CTCFL: variants seen among roughly 807,000 people sequenced by gnomAD.
CTCFL encodes transcriptional repressor CTCFL.
A neutral mutation model predicts 67.4 loss-of-function variants in CTCFL; 36 were observed. The ratio of observed to expected loss-of-function variants is 0.53; its 90% CI spans 0.41 to 0.71. CTCFL has a LOEUF of 0.71. CTCFL is among the 30% of genes least tolerant of loss of function. CTCFL has a pLI of 0.00. For missense variants in CTCFL, 786 were observed against 835.2 expected, an observed-to-expected ratio of 0.94 and a Z score of 0.73; for synonymous variants, 324 against 302.3, an observed-to-expected ratio of 1.07 and a Z score of -0.75.
chr20:57,510,601 C>T (rs1007883034), intron 8 of CTCFL, among the ~76,000 whole-genome samples: 11 of 152,228 alleles, frequency 7.2e-5, no homozygotes, highest in African/African-American at 1.7e-4. Flanking sequence ...CGGTGGCTCA[C>T]GCCTATAATC....
rs367813915 is a variant in CTCFL at position 57,515,866 on chromosome 20, T to C, written c.1060-32A>G. On this transcript the variant is annotated intron_variant, in intron 5 of 10. Transcript: ENST00000243914. ...AATACATAAATGATGTTCGTTGCAA[T>C]AGAAACTAAAAAATGGCAGAGTCTT... is the stretch of plus-strand genomic sequence containing the variant. The C allele has an allele frequency of 8.1e-5, 128 of 1,583,956 alleles. No individual in the cohort carries two copies. In the African/African-American group the frequency reaches 1.3e-3, roughly 15 times the overall value.
At position 57,503,695 on chromosome 20, in the gene CTCFL, G is replaced by C. The variant is rs546494394; in HGVS notation, c.1675-94C>G. The C allele has an allele frequency of 3.1e-5, 42 of 1,356,008 alleles. No individual in the cohort carries two copies. In the African/African-American group the frequency reaches 5.6e-4, roughly 18 times the overall value. The allele number at this position is 1,356,008 out of a possible 1,614,324, so 84.0% of individuals were successfully genotyped here. ...TGGGGACCCCACGCATGGAAAGAAA[G>C]AAAAATCCTGAGTTCTTTCGAGGGC... On this transcript the variant is annotated intron_variant, in intron 9 of 10. Transcript: ENST00000243914.
At chr20:57,519,837 A>G (rs1053366155) in intron 3 of CTCFL, among the ~76,000 whole-genome samples, 4 of 152,204 alleles carry the variant, frequency 2.6e-5, no homozygotes, top group African/African-American at 9.7e-5. Context: ...AAGAAAAACC[A>G]TCTAGAATGG....
intron 9 of CTCFL, among the ~76,000 whole-genome samples, chr20:57,506,112 G>T (rs1011292287): frequency 6.6e-6 from 1 of 152,190 alleles, no homozygotes; most frequent in Non-Finnish European, 1.5e-5. Flanking sequence ...GTTTGTGAAA[G>T]CAAGTTTTAC....
At chr20:57,511,779 A>G (rs6015016) in intron 8 of CTCFL, among the ~76,000 whole-genome samples, 104,939 of 151,884 alleles carry the variant, frequency 0.69, 37,415 homozygotes, top group African/African-American at 0.87. Flanking sequence ...TTTTAATAGA[A>G]ACGGGGTTTC....
chr20:57,523,354 A>T, intron 2 of CTCFL, 76 bp from the exon 3 acceptor site: 1 of 1,379,940 alleles, frequency 7.2e-7, no homozygotes, highest in South Asian at 1.3e-5. Context: ...TGAAGCACAG[A>T]ATACAAAAAG....
intron 5 of CTCFL, 95 bp downstream of exon 5, chr20:57,518,659 CTGTT>C (rs1294398358): frequency 6.3e-7 from 1 of 1,598,614 alleles, no homozygotes; most frequent in Non-Finnish European, 8.6e-7. Context: ...AATAAAAAGC[CTGTT>C]TGTAACAGAT....
Position 57,512,767 on chromosome 20 carries a change from G to A in CTCFL, c.1331-15C>T, listed in dbSNP as rs750764374. 4.3e-6 allele frequency: 7 copies of A among 1,613,030 alleles called. No homozygotes were observed. The East Asian group carries it at 8.9e-5, about 21-fold the overall frequency. ...CATATGCACACCTAAAATGGTCACA[G>A]AACATTATATACTTCAAGAGTGTTG... On this transcript the variant is annotated splice_polypyrimidine_tract_variant and intron_variant, in intron 7 of 10. Coordinates refer to ENST00000243914, the MANE Select transcript of CTCFL (RefSeq NM_001386993.1).
chr20:57,519,099 A>C (rs1298749055), intron 4 of CTCFL, 108 bp downstream of exon 4: 1 of 1,304,392 alleles, frequency 7.7e-7, no homozygotes, highest in African/African-American at 1.5e-5. Flanking sequence ...GACAAAACTA[A>C]AGTATAAAAT....
At chr20:57,505,870 T>TA (rs1469020950) in intron 9 of CTCFL, among the ~76,000 whole-genome samples, 1 of 152,158 alleles carries the variant, frequency 6.6e-6, no homozygotes, top group Non-Finnish European at 1.5e-5. Context: ...TAGGCAAAAG[T>TA]AAAAAAACTG....
intron 3 of CTCFL, among the ~76,000 whole-genome samples, chr20:57,519,927 A>T (rs767346523): frequency 7.2e-5 from 11 of 152,222 alleles, no homozygotes; most frequent in Non-Finnish European, 1.3e-4. Flanking sequence ...ATATAATTGA[A>T]CATTTAGTTC....
At position 57,507,336 on chromosome 20, in the gene CTCFL, C is replaced by T. The variant is rs141687990; in HGVS notation, c.1674+1270G>A. On this transcript the variant is annotated intron_variant, in intron 9 of 10. Transcript: ENST00000243914. ...CCACCCAAGTAGCTGGGATTACAAG[C>T]GTGCACTACCACGCCTAGCTATTTT... 76 of 493,004 alleles carry T rather than the reference C, an allele frequency of 1.5e-4. No individual in the cohort carries two copies. The East Asian group carries it at 2.4e-3, about 15-fold the overall frequency. The allele number at this position is 493,004 out of a possible 1,614,324, so 30.5% of individuals were successfully genotyped here. A position where few individuals can be genotyped will look rare whatever the true frequency, so the allele number is the denominator to read the frequency against.
intron 10 of CTCFL, among the ~76,000 whole-genome samples, chr20:57,503,096 T>C (rs1044547668): frequency 2.0e-5 from 3 of 152,226 alleles, no homozygotes; most frequent in African/African-American, 7.2e-5. Flanking sequence ...CTAGAGCTAT[T>C]TGAAAATCAA....
chr20:57,522,436 G>A (rs548555060), intron 3 of CTCFL, among the ~76,000 whole-genome samples: 1 of 152,288 alleles, frequency 6.6e-6, no homozygotes, highest in South Asian at 2.1e-4. Flanking sequence ...GTGGGCTGCT[G>A]GAATGAAATC....
At chr20:57,514,497 C>T (rs149859625) in intron 7 of CTCFL, 95 bp downstream of exon 7, 1 of 1,437,020 alleles carries the variant, frequency 7.0e-7, no homozygotes, top group African/African-American at 1.4e-5. Flanking sequence ...GACCGGGCCT[C>T]CCAGTATCAG....
At chr20:57,506,951 C>T in intron 9 of CTCFL, 2 of 984,964 alleles carry the variant, frequency 2.0e-6, no homozygotes, top group Non-Finnish European at 2.4e-6. Flanking sequence ...AAAAACACAA[C>T]TACACTACTG....
intron 5 of CTCFL, among the ~76,000 whole-genome samples, chr20:57,516,638 G>A (rs2068943881): frequency 6.6e-6 from 1 of 152,208 alleles, no homozygotes; most frequent in South Asian, 2.1e-4. Flanking sequence ...ACTCCACCCT[G>A]GCTGGCCCCA....
At chr20:57,511,265 CCTGAG>C (rs2068533360) in intron 8 of CTCFL, among the ~76,000 whole-genome samples, 1 of 152,080 alleles carries the variant, frequency 6.6e-6, no homozygotes, top group South Asian at 2.1e-4. Context: ...GTCTTGAATT[CCTGAG>C]CTCAACAGTT....
rs752423641 is a variant in CTCFL, at chr20:57,515,598, CGCAAAAA to C, written c.1180+109_1180+115del. 5.3e-6 allele frequency: 7 copies of C among 1,319,964 alleles called. No individual in the cohort carries two copies. In the Admixed American group the frequency reaches 8.7e-5, roughly 16 times the overall value. The allele number at this position is 1,319,964 out of a possible 1,614,324, so 81.8% of individuals were successfully genotyped here. A position where few individuals can be genotyped will look rare whatever the true frequency, so the allele number is the denominator to read the frequency against. ...TCAAGATTCTTTTATCATGAAGGCA[CGCAAAAA>C]TCCACTTTTACCTTTGAACTTTAAT... On this transcript the variant is annotated intron_variant, in intron 6 of 10. Transcript: ENST00000243914.
Sources: gnomAD v4.1 joint callset for allele counts (sites outside exome capture counted in the v4.1 genomes callset) on GRCh38, gnomAD v4.1.1 for gene constraint, MANE v1.5 for transcripts, NCBI Gene and HGNC (gene_info 2026-07-23, HGNC 2026-07-21) for gene names.